CYYR1: variants seen among roughly 807,000 people sequenced by gnomAD.
The protein encoded by CYYR1 is cysteine and tyrosine rich 1.
CYYR1 carries 14 observed loss-of-function variants against 15.2 expected under a neutral mutation model. The observed-to-expected ratio is 0.92, with a 90% CI of 0.61 to 1.44. The LOEUF (loss-of-function observed/expected upper bound fraction) is 1.44, where lower values mean the gene tolerates loss of function less well. Ranked by LOEUF, CYYR1 falls within the 40% of genes most tolerant of loss-of-function variation. CYYR1 has a pLI of 0.00. For synonymous variants in CYYR1, 80 were observed against 77.4 expected, an observed-to-expected ratio of 1.03 and a Z score of -0.18; for missense variants, 228 against 209.5, an observed-to-expected ratio of 1.09 and a Z score of -0.54.
At chr21:26,475,990 A>G (rs1201208472) in intron 3 of CYYR1, among the ~76,000 whole-genome samples, 2 of 152,284 alleles carry the variant, frequency 1.3e-5, no homozygotes, top group East Asian at 3.9e-4. Flanking sequence ...GTACAAACAC[A>G]GAAGTTTTCT....
At chr21:26,565,894 T>C (rs552583706) in intron 2 of CYYR1, among the ~76,000 whole-genome samples, 2 of 152,336 alleles carry the variant, frequency 1.3e-5, no homozygotes, top group South Asian at 4.1e-4. Context: ...ATAAACTGGC[T>C]ATAATTAAAT....
chr21:26,527,857 G>A lies in CYYR1; in HGVS notation c.176+38409C>T, dbSNP rs556573835. ...ATTTTCTAGAAATATAATATTCTGC[G>A]AAGTCAGGGATAATGAAGGCTAAGC... On this transcript the variant is annotated intron_variant, in intron 2 of 3. Coordinates refer to ENST00000652641, the MANE Select transcript of CYYR1 (RefSeq NM_001320768.2). Among the ~76,000 whole-genome samples the A allele has an allele frequency of 3.9e-5, 6 of 152,230 alleles. No individual in the cohort carries two copies. In the East Asian group the frequency reaches 5.8e-4, roughly 15 times the overall value.
intron 2 of CYYR1, among the ~76,000 whole-genome samples, chr21:26,557,052 C>G (rs1979841552): frequency 6.6e-6 from 1 of 152,118 alleles, no homozygotes; most frequent in African/African-American, 2.4e-5. Context: ...TAAATGCCAG[C>G]CCTTTACATA....
intron 3 of CYYR1, among the ~76,000 whole-genome samples, chr21:26,479,258 C>T (rs1163723609): frequency 6.6e-6 from 1 of 151,390 alleles, no homozygotes; most frequent in Non-Finnish European, 1.5e-5. Context: ...TTATCATACC[C>T]TTATTGATCT....
chr21:26,569,921 A>T (rs986085948), intron 1 of CYYR1, among the ~76,000 whole-genome samples: 3 of 152,222 alleles, frequency 2.0e-5, no homozygotes, highest in Middle Eastern at 3.2e-3. Context: ...CATGTTACAC[A>T]CTGGTCATTG....
At chr21:26,529,999 T>C (rs1293790676) in intron 2 of CYYR1, among the ~76,000 whole-genome samples, 2 of 152,222 alleles carry the variant, frequency 1.3e-5, no homozygotes, top group Non-Finnish European at 2.9e-5. Flanking sequence ...ACGGAAATAC[T>C]GACATATGTT....
intron 1 of CYYR1, among the ~76,000 whole-genome samples, chr21:26,571,645 A>AT (rs545643559): frequency 8.8e-4 from 134 of 152,312 alleles, no homozygotes; most frequent in Non-Finnish European, 1.7e-3. Flanking sequence ...TAATAAAGAG[A>AT]TTTTTTCAAT....
At chr21:26,571,727 AAG>A (rs1189936125) in intron 1 of CYYR1, among the ~76,000 whole-genome samples, 1 of 152,234 alleles carries the variant, frequency 6.6e-6, no homozygotes, top group Non-Finnish European at 1.5e-5. Flanking sequence ...AATTTAATAA[AAG>A]AAATAAATGT....
intron 2 of CYYR1, among the ~76,000 whole-genome samples, chr21:26,500,886 C>A (rs1457885596): frequency 1.3e-5 from 2 of 152,088 alleles, no homozygotes; most frequent in Non-Finnish European, 2.9e-5. Context: ...GAGGACTCAG[C>A]CATCAGAGTA....
chr21:26,522,930 A>G (rs1373605551), intron 2 of CYYR1, among the ~76,000 whole-genome samples: 1 of 151,944 alleles, frequency 6.6e-6, no homozygotes, highest in Non-Finnish European at 1.5e-5. Context: ...GCTTGGTGGG[A>G]GCCCAGGCTC....
At chr21:26,487,397 G>A (rs902590109) in intron 2 of CYYR1, among the ~76,000 whole-genome samples, 1 of 152,086 alleles carries the variant, frequency 6.6e-6, no homozygotes, top group Non-Finnish European at 1.5e-5. Context: ...ATTAAGCAAT[G>A]ATAAAAATCC....
intron 2 of CYYR1, among the ~76,000 whole-genome samples, chr21:26,563,926 A>G (rs1291231998): frequency 1.3e-5 from 2 of 152,256 alleles, no homozygotes; most frequent in Non-Finnish European, 2.9e-5. Flanking sequence ...TTATAAAAAT[A>G]TTCATTTAAG....
At position 26,484,098 on chromosome 21, in the gene CYYR1, G is replaced by A. The variant is rs556787516; in HGVS notation, c.177-3669C>T. Reference sequence around the variant, plus strand: ...TTTGTAAAGAAAATACATACACTACGCATTGTGAAATATTCCCAGGGGCAG... The same window carrying A: ...TTTGTAAAGAAAATACATACACTACACATTGTGAAATATTCCCAGGGGCAG... On this transcript the variant is annotated intron_variant, in intron 2 of 3. Transcript: ENST00000652641. Among the ~76,000 whole-genome samples the A allele has an allele frequency of 3.3e-5, 5 of 152,144 alleles. No homozygotes were observed. The East Asian group carries it at 7.7e-4, about 24-fold the overall frequency.
At chr21:26,555,365 T>C (rs1160966400) in intron 2 of CYYR1, among the ~76,000 whole-genome samples, 1 of 152,184 alleles carries the variant, frequency 6.6e-6, no homozygotes, top group Non-Finnish European at 1.5e-5. Flanking sequence ...AAAAAAATGT[T>C]GTATCCACAC....
intron 2 of CYYR1, among the ~76,000 whole-genome samples, chr21:26,512,768 C>T (rs959311305): frequency 5.3e-5 from 8 of 152,098 alleles, no homozygotes; most frequent in Non-Finnish European, 1.0e-4. Flanking sequence ...ACAACATAGA[C>T]CACGTGGCCT....
At chr21:26,529,859 C>T (rs1010273150) in intron 2 of CYYR1, among the ~76,000 whole-genome samples, 13 of 152,086 alleles carry the variant, frequency 8.5e-5, no homozygotes, top group African/African-American at 3.1e-4. Flanking sequence ...CAGAGTTAGC[C>T]CTTAGACCTT....
intron 2 of CYYR1, among the ~76,000 whole-genome samples, chr21:26,517,948 G>A (rs552760324): frequency 1.3e-5 from 2 of 152,300 alleles, no homozygotes; most frequent in South Asian, 4.1e-4. Context: ...GCACTTGTCT[G>A]TGACTTGAAG....
At chr21:26,483,530 G>T in intron 2 of CYYR1, 1 of 577,212 alleles carries the variant, frequency 1.7e-6, no homozygotes, top group Non-Finnish European at 2.2e-6. Context: ...TCTTTTCCTT[G>T]GGGCTATTCA....
chr21:26,487,075 T>C (rs1005437120), intron 2 of CYYR1, among the ~76,000 whole-genome samples: 2 of 152,062 alleles, frequency 1.3e-5, no homozygotes, highest in African/African-American at 4.8e-5. Context: ...CTATATTTGA[T>C]ACCACACGGA....
Sources: allele counts gnomAD v4.1 joint callset (sites outside exome capture counted in the v4.1 genomes callset), GRCh38; gene constraint gnomAD v4.1.1; transcripts MANE v1.5; gene names NCBI Gene and HGNC (gene_info 2026-07-23, HGNC 2026-07-21).